Variants in GPR39 observed in about 807,000 individuals in gnomAD.
GPR39 encodes G protein-coupled receptor 39.
GPR39 carries 23 observed loss-of-function variants against 18.4 expected under a neutral mutation model. The observed-to-expected ratio is 1.25, with a 90% CI of 0.90 to 1.77. The LOEUF is 1.77. GPR39 is among the 40% of genes most tolerant of loss of function. GPR39 has a pLI of 0.00. For missense variants in GPR39, 647 were observed against 602.4 expected (o/e 1.07, Z -0.78); for synonymous variants, 280 against 257.9 (o/e 1.09, Z -0.82).
chr2:132,537,978 A>T (rs983932300), intron 1 of GPR39, among the ~76,000 whole-genome samples: 1 of 152,022 alleles, frequency 6.6e-6, no homozygotes, highest in African/African-American at 2.4e-5. Context: ...GCTTCTTTGC[A>T]TTGGGTTAGA....
At chr2:132,453,265 G>A (rs1026640238) in intron 1 of GPR39, among the ~76,000 whole-genome samples, 5 of 152,066 alleles carry the variant, frequency 3.3e-5, no homozygotes, top group African/African-American at 1.2e-4. Flanking sequence ...GTCTGTTGGT[G>A]GCATAGATGT....
At chr2:132,509,145 C>T (rs1679187882) in intron 1 of GPR39, among the ~76,000 whole-genome samples, 1 of 152,182 alleles carries the variant, frequency 6.6e-6, no homozygotes, top group African/African-American at 2.4e-5. Flanking sequence ...GACTTATTCC[C>T]TCTCACCTGC....
intron 1 of GPR39, among the ~76,000 whole-genome samples, chr2:132,595,143 C>T (rs996974996): frequency 3.9e-5 from 6 of 152,114 alleles, no homozygotes; most frequent in African/African-American, 9.7e-5. Context: ...GACTTACCGG[C>T]GTACGCTACC....
intron 1 of GPR39, among the ~76,000 whole-genome samples, chr2:132,581,171 A>G (rs1249212428): frequency 1.3e-5 from 2 of 151,918 alleles, no homozygotes; most frequent in South Asian, 2.1e-4. Context: ...TTGTCCAGTG[A>G]CTTTCTTTCT....
chr2:132,428,725 A>T (rs774537511), intron 1 of GPR39, among the ~76,000 whole-genome samples: 3 of 152,226 alleles, frequency 2.0e-5, no homozygotes, highest in Non-Finnish European at 4.4e-5. Context: ...CTTTAATGTC[A>T]ATACTAGAAA....
At chr2:132,567,615 G>A (rs1349704808) in intron 1 of GPR39, among the ~76,000 whole-genome samples, 6 of 152,172 alleles carry the variant, frequency 3.9e-5, no homozygotes, top group Admixed American at 3.3e-4. Context: ...AAATTACCCG[G>A]TGTTAGGTAT....
At chr2:132,564,011 A>C (rs1015268704) in intron 1 of GPR39, among the ~76,000 whole-genome samples, 1 of 152,172 alleles carries the variant, frequency 6.6e-6, no homozygotes, top group Non-Finnish European at 1.5e-5. Context: ...CCTTGAAACC[A>C]CTGCTGCAAG....
chr2:132,495,824 T>C (rs1448913227), intron 1 of GPR39, among the ~76,000 whole-genome samples: 1 of 151,694 alleles, frequency 6.6e-6, no homozygotes, highest in Non-Finnish European at 1.5e-5. Flanking sequence ...CTCTTCCCCT[T>C]CTCACCCCTC....
At chr2:132,543,191 C>T (rs747055741) in intron 1 of GPR39, among the ~76,000 whole-genome samples, 66 of 152,156 alleles carry the variant, frequency 4.3e-4, no homozygotes, top group Non-Finnish European at 7.6e-4. Context: ...GAGAAGTGTC[C>T]TGAAAGCAGG....
rs569917708 is a variant in GPR39 at position 132,589,322 on chromosome 2, A to G, written c.857-55779A>G. ...CAAGAGGCTTAGCCTGTCCTCCCTCAGCTCTCAAGTCTCCCATGGATCACT... is the reference window on the plus strand; with the variant it reads ...CAAGAGGCTTAGCCTGTCCTCCCTCGGCTCTCAAGTCTCCCATGGATCACT... On this transcript the variant is annotated intron_variant, in intron 1 of 1. Coordinates refer to ENST00000329321, the MANE Select transcript of GPR39 (RefSeq NM_001508.3). 1.7e-3 allele frequency among the ~76,000 whole-genome samples: 265 copies of G among 152,248 alleles called. 2 individuals are homozygous for G. The highest frequency in any genetic ancestry group is 2.7e-3 in the Non-Finnish European group (181 of 68,022).
chr2:132,608,428 T>C (rs1050709890), intron 1 of GPR39, among the ~76,000 whole-genome samples: 1 of 152,184 alleles, frequency 6.6e-6, no homozygotes, highest in African/African-American at 2.4e-5. Flanking sequence ...TTGTGTCAGC[T>C]CCTTGCTGTC....
chr2:132,423,754 G>A (rs1440717898), intron 1 of GPR39, among the ~76,000 whole-genome samples: 2 of 152,126 alleles, frequency 1.3e-5, no homozygotes, highest in Non-Finnish European at 2.9e-5. Context: ...ACATTTAATT[G>A]TGCAATTACT....
At chr2:132,635,831 GAACATAA>G (rs1374289496) in intron 1 of GPR39, among the ~76,000 whole-genome samples, 1 of 152,090 alleles carries the variant, frequency 6.6e-6, no homozygotes, top group African/African-American at 2.4e-5. Context: ...TAGGACGAGT[GAACATAA>G]AAGAAGAGGA....
chr2:132,634,262 G>A (rs1035820312), intron 1 of GPR39, among the ~76,000 whole-genome samples: 1 of 152,116 alleles, frequency 6.6e-6, no homozygotes, highest in Admixed American at 6.5e-5. Context: ...AGTCACTGTG[G>A]TCAGCACTAT....
chr2:132,587,769 A>T (rs960778457), intron 1 of GPR39, among the ~76,000 whole-genome samples: 1 of 152,156 alleles, frequency 6.6e-6, no homozygotes, highest in Non-Finnish European at 1.5e-5. Flanking sequence ...TACTGACCTC[A>T]GGTGATCCAC....
chr2:132,494,881 A>G (rs1291156320), intron 1 of GPR39, among the ~76,000 whole-genome samples: 1 of 152,170 alleles, frequency 6.6e-6, no homozygotes, highest in Non-Finnish European at 1.5e-5. Context: ...TATGTCAATA[A>G]TGGGAAAAAT....
chr2:132,435,458 A>C (rs1451648875), intron 1 of GPR39, among the ~76,000 whole-genome samples: 1 of 152,222 alleles, frequency 6.6e-6, no homozygotes, highest in Non-Finnish European at 1.5e-5. Flanking sequence ...TATACAATAC[A>C]TACACAAAAT....
chr2:132,530,630 G>T (rs1454972351), intron 1 of GPR39, among the ~76,000 whole-genome samples: 1 of 152,218 alleles, frequency 6.6e-6, no homozygotes, highest in African/African-American at 2.4e-5. Flanking sequence ...ACAAAGGGAA[G>T]CCCATCAGAC....
intron 1 of GPR39, among the ~76,000 whole-genome samples, chr2:132,500,795 G>A (rs1679016179): frequency 6.6e-6 from 1 of 151,950 alleles, no homozygotes; most frequent in South Asian, 2.1e-4. Context: ...TATCTTCCTA[G>A]TTAAATCTAG....
Sources: allele counts gnomAD v4.1 joint callset (sites outside exome capture counted in the v4.1 genomes callset), GRCh38; gene constraint gnomAD v4.1.1; transcripts MANE v1.5; gene names NCBI Gene and HGNC (gene_info 2026-07-23, HGNC 2026-07-21).